Variants in SGCZ observed in about 807,000 individuals in gnomAD.
The protein encoded by SGCZ is zeta-sarcoglycan.
SGCZ carries 40 observed loss-of-function variants against 41.3 expected under a neutral mutation model. That is an observed-to-expected ratio of 0.97 (90% confidence interval 0.75 to 1.26). The LOEUF is 1.26. Among genes scored for constraint, SGCZ ranks in the 50% most tolerant of loss-of-function variants. The probability of loss-of-function intolerance (pLI) is 0.00; values close to 1 mark genes in which losing one functional copy is unlikely to be tolerated. For missense variants in SGCZ, 552 were observed against 369.8 expected (o/e 1.49, Z -4.04); for synonymous variants, 206 against 137.5 (o/e 1.50, Z -3.49).
chr8:14,749,298 G>A (rs1001118166), intron 1 of SGCZ, among the ~76,000 whole-genome samples: 3 of 152,136 alleles, frequency 2.0e-5, no homozygotes, highest in African/African-American at 4.8e-5. Flanking sequence ...AGAGTTCCCT[G>A]CTCTGTTTCC....
intron 2 of SGCZ, among the ~76,000 whole-genome samples, chr8:14,484,315 A>T (rs13272869): frequency 0.91 from 137,496 of 151,730 alleles, 63,775 homozygotes; most frequent in East Asian, 1. Flanking sequence ...AATGGTAAGA[A>T]GAGAGCTAAG....
chr8:14,122,151 C>G (rs1228997578), intron 5 of SGCZ, among the ~76,000 whole-genome samples: 3 of 152,202 alleles, frequency 2.0e-5, no homozygotes, highest in Non-Finnish European at 4.4e-5. Context: ...GCGGCAGGCG[C>G]CTGTAGTCCC....
intron 2 of SGCZ, among the ~76,000 whole-genome samples, chr8:14,526,410 A>G (rs1802951741): frequency 6.6e-6 from 1 of 152,142 alleles, no homozygotes; most frequent in Non-Finnish European, 1.5e-5. Context: ...AAAAATGATT[A>G]GGCTACTGTT....
chr8:14,096,740 T>C (rs1170725903), intron 7 of SGCZ, among the ~76,000 whole-genome samples: 1 of 152,142 alleles, frequency 6.6e-6, no homozygotes, highest in Admixed American at 6.6e-5. Flanking sequence ...GTCCAGAACT[T>C]TTTTTGGTTG....
intron 2 of SGCZ, among the ~76,000 whole-genome samples, chr8:14,460,845 A>T (rs571931218): frequency 6.6e-6 from 1 of 152,274 alleles, no homozygotes; most frequent in East Asian, 1.9e-4. Flanking sequence ...CAGTATTGTT[A>T]ATTATTTTAT....
At chr8:15,017,044 G>A (rs1803066444) in intron 1 of SGCZ, among the ~76,000 whole-genome samples, 1 of 152,102 alleles carries the variant, frequency 6.6e-6, no homozygotes, top group Non-Finnish European at 1.5e-5. Flanking sequence ...CAACAAGAGG[G>A]ATCACATTTC....
intron 1 of SGCZ, among the ~76,000 whole-genome samples, chr8:14,756,409 T>A (rs1799669647): frequency 6.6e-6 from 1 of 152,120 alleles, no homozygotes; most frequent in African/African-American, 2.4e-5. Context: ...GGTCTCAAAC[T>A]CCCGACCTCA....
At chr8:15,215,027 G>A (rs1191470424) in intron 1 of SGCZ, among the ~76,000 whole-genome samples, 1 of 152,128 alleles carries the variant, frequency 6.6e-6, no homozygotes, top group Non-Finnish European at 1.5e-5. Flanking sequence ...AATTAAATGA[G>A]CAGGATAGTT....
intron 3 of SGCZ, among the ~76,000 whole-genome samples, chr8:14,312,880 T>TA (rs1336449314): frequency 6.6e-6 from 1 of 152,132 alleles, no homozygotes; most frequent in East Asian, 1.9e-4. Context: ...AGAAAACTAT[T>TA]AGAGTAAGTC....
chr8:15,068,228 A>G (rs1443399180), intron 1 of SGCZ, among the ~76,000 whole-genome samples: 2 of 152,228 alleles, frequency 1.3e-5, no homozygotes, highest in East Asian at 1.9e-4. Context: ...TCAGCCTTCC[A>G]ACATCATTGT....
intron 3 of SGCZ, among the ~76,000 whole-genome samples, chr8:14,308,192 G>C (rs973642227): frequency 1.3e-5 from 2 of 151,948 alleles, no homozygotes; most frequent in African/African-American, 4.8e-5. Context: ...TACAAGAGGA[G>C]ATTATACCTA....
At chr8:14,450,156 G>A (rs1405360339) in intron 2 of SGCZ, among the ~76,000 whole-genome samples, 2 of 152,118 alleles carry the variant, frequency 1.3e-5, no homozygotes, top group East Asian at 3.9e-4. Flanking sequence ...TGTCCCATAA[G>A]GCCATGGCTG....
chr8:15,094,404 G>C (rs1157167946), intron 1 of SGCZ, among the ~76,000 whole-genome samples: 1 of 152,168 alleles, frequency 6.6e-6, no homozygotes, highest in Non-Finnish European at 1.5e-5. Context: ...CAAAGTGCTG[G>C]AGTTACAGGC....
chr8:14,582,437 C>G (rs187374522), intron 1 of SGCZ, among the ~76,000 whole-genome samples: 1 of 151,904 alleles, frequency 6.6e-6, no homozygotes, highest in Non-Finnish European at 1.5e-5. Context: ...ACATATAATA[C>G]GTAATCATGT....
At chr8:14,605,742 A>T (rs1805728811) in intron 1 of SGCZ, among the ~76,000 whole-genome samples, 1 of 152,214 alleles carries the variant, frequency 6.6e-6, no homozygotes, top group Non-Finnish European at 1.5e-5. Context: ...TTACTGTTTC[A>T]TTAGAAACTG....
At chr8:14,624,555 A>ATTT (rs750064815) in intron 1 of SGCZ, among the ~76,000 whole-genome samples, 2 of 96,246 alleles carry the variant, frequency 2.1e-5, no homozygotes, top group African/African-American at 7.9e-5. Flanking sequence ...TATTATTATT[A>ATTT]TTTTTTTTTT....
intron 5 of SGCZ, among the ~76,000 whole-genome samples, chr8:14,163,805 G>A (rs1315097014): frequency 6.6e-6 from 1 of 152,114 alleles, no homozygotes; most frequent in Non-Finnish European, 1.5e-5. Context: ...AGATACGCAT[G>A]AGCTGTTTCC....
At chr8:14,939,331 C>A (rs1800187951) in intron 1 of SGCZ, among the ~76,000 whole-genome samples, 1 of 152,248 alleles carries the variant, frequency 6.6e-6, no homozygotes, top group East Asian at 1.9e-4. Context: ...CTAGCTCAAA[C>A]TGTTAAGCAT....
chr8:14,802,733 G>T (rs1332357047), intron 1 of SGCZ, among the ~76,000 whole-genome samples: 4 of 152,154 alleles, frequency 2.6e-5, no homozygotes, highest in African/African-American at 9.7e-5. Context: ...TTTAGCATGT[G>T]TATTGTGGAG....
Sources: gnomAD v4.1 joint callset for allele counts (sites outside exome capture counted in the v4.1 genomes callset) on GRCh38, gnomAD v4.1.1 for gene constraint, MANE v1.5 for transcripts, NCBI Gene and HGNC (gene_info 2026-07-23, HGNC 2026-07-21) for gene names.